The following ROBO1 variants were observed in gnomAD, a reference collection of about 807,000 sequenced individuals.
ROBO1 encodes the protein roundabout homolog 1.
ROBO1 carries 149 observed loss-of-function variants against 195.9 expected under a neutral mutation model. The observed-to-expected ratio is 0.76, with a 90% CI of 0.67 to 0.87. ROBO1 has a LOEUF of 0.87. Among genes scored for constraint, ROBO1 ranks in the 40% least tolerant of loss-of-function variants. ROBO1 has a pLI of 0.00. For missense variants in ROBO1, 1,933 were observed against 2,068.3 expected, an observed-to-expected ratio of 0.93 and a Z score of 1.27; for synonymous variants, 816 against 733.2, an observed-to-expected ratio of 1.11 and a Z score of -1.82.
intron 29 of ROBO1, 34 bp from the exon 30 acceptor site, chr3:78,600,343 A>C: frequency 7.7e-7 from 1 of 1,304,922 alleles, no homozygotes; most frequent in South Asian, 1.2e-5. Flanking sequence ...GCAGGTGAGT[A>C]CCATCATACA....
intron 2 of ROBO1, among the ~76,000 whole-genome samples, chr3:79,183,921 A>G (rs962169212): frequency 6.6e-6 from 1 of 152,264 alleles, no homozygotes; most frequent in African/African-American, 2.4e-5. Context: ...GAAGTTGTCA[A>G]TAAATACATG....
At chr3:78,865,885 T>C (rs1041854936) in intron 4 of ROBO1, among the ~76,000 whole-genome samples, 3 of 152,216 alleles carry the variant, frequency 2.0e-5, no homozygotes, top group South Asian at 4.1e-4. Flanking sequence ...GACTCCTTAG[T>C]TGACAAACCA....
intron 2 of ROBO1, among the ~76,000 whole-genome samples, chr3:79,436,349 A>T (rs1245239872): frequency 6.7e-6 from 1 of 149,970 alleles, no homozygotes; most frequent in African/African-American, 2.5e-5. Context: ...TTTGATTTGT[A>T]TTTTTTTTTT....
At chr3:79,139,605 C>A (rs1406936631) in intron 2 of ROBO1, among the ~76,000 whole-genome samples, 5 of 152,080 alleles carry the variant, frequency 3.3e-5, no homozygotes, top group Admixed American at 3.3e-4. Context: ...TATTCAAAAT[C>A]CTCAAATCAA....
chr3:78,684,344 T>A (rs1382089637), intron 10 of ROBO1, among the ~76,000 whole-genome samples: 1 of 152,262 alleles, frequency 6.6e-6, no homozygotes, highest in South Asian at 2.1e-4. Context: ...GAATCAATGA[T>A]GATAAAAGTC....
At chr3:79,507,165 G>C (rs965960053) in intron 2 of ROBO1, among the ~76,000 whole-genome samples, 17 of 152,194 alleles carry the variant, frequency 1.1e-4, no homozygotes, top group Non-Finnish European at 2.5e-4. Context: ...AAGCAGGAGA[G>C]TGAGGAGCAT....
chr3:79,538,776 A>C (rs895387732), intron 2 of ROBO1, among the ~76,000 whole-genome samples: 1 of 152,172 alleles, frequency 6.6e-6, no homozygotes, highest in African/African-American at 2.4e-5. Context: ...AAAATCTTGC[A>C]TCTCTTAAAT....
In ROBO1 at chr3:78,720,485, C is replaced by A. The variant is rs553494749; in HGVS notation, c.658-2602G>T. Reference sequence around the variant, plus strand: ...ATGTGGAGAAATAGGAACACTTTTACACTGTTGGTGGGACTGTAAACTAGT... The same window carrying A: ...ATGTGGAGAAATAGGAACACTTTTAAACTGTTGGTGGGACTGTAAACTAGT... On this transcript the variant is annotated intron_variant, in intron 5 of 30. Transcript: ENST00000464233. Among the ~76,000 whole-genome samples, 1,011 of 152,296 alleles carry A rather than the reference C, an allele frequency of 6.6e-3. 8 individuals carry two copies. The highest frequency in any genetic ancestry group is 0.01 in the Non-Finnish European group (681 of 68,018).
chr3:79,697,529 T>C (rs1576246314), intron 1 of ROBO1, among the ~76,000 whole-genome samples: 1 of 151,504 alleles, frequency 6.6e-6, no homozygotes, highest in Admixed American at 6.6e-5. Flanking sequence ...ATAGACATTA[T>C]GGCCTAAAAC....
chr3:78,804,379 A>G (rs1189713172), intron 4 of ROBO1, among the ~76,000 whole-genome samples: 3 of 152,068 alleles, frequency 2.0e-5, no homozygotes, highest in Non-Finnish European at 1.5e-5. Flanking sequence ...TCATTTCTCA[A>G]GCGTTTTAGG....
rs574167469 is a variant in ROBO1 at position 79,336,957 on chromosome 3, A to T, written c.89-211418T>A. Among the ~76,000 whole-genome samples, 7 of 152,324 alleles carry T rather than the reference A, an allele frequency of 4.6e-5. No individual in the cohort carries two copies. In the South Asian group the frequency reaches 1.4e-3, roughly 32 times the overall value. Reference sequence around the variant, plus strand: ...TATGTTTAGTTTAATGTTTAGTTAAAGTTTAATGACTGCCCCATTAGATCT... The same window carrying T: ...TATGTTTAGTTTAATGTTTAGTTAATGTTTAATGACTGCCCCATTAGATCT... On this transcript the variant is annotated intron_variant, in intron 2 of 30. Coordinates refer to ENST00000464233, the MANE Select transcript of ROBO1 (RefSeq NM_002941.4).
At chr3:79,446,220 A>T (rs1486573359) in intron 2 of ROBO1, among the ~76,000 whole-genome samples, 1 of 152,224 alleles carries the variant, frequency 6.6e-6, no homozygotes, top group Non-Finnish European at 1.5e-5. Flanking sequence ...TTTAGTCAAA[A>T]TAAGTGGCAA....
intron 3 of ROBO1, among the ~76,000 whole-genome samples, chr3:79,123,821 C>T (rs952419557): frequency 6.6e-6 from 1 of 151,746 alleles, no homozygotes; most frequent in African/African-American, 2.4e-5. Flanking sequence ...AATCTGACAC[C>T]TGATTAACCT....
At chr3:78,948,695 A>G (rs2107756442) in intron 3 of ROBO1, among the ~76,000 whole-genome samples, 1 of 152,320 alleles carries the variant, frequency 6.6e-6, no homozygotes, top group East Asian at 1.9e-4. Flanking sequence ...AAAAAAGGGT[A>G]TTCAATTAGG....
At chr3:79,617,639 T>C (rs1044835928) in intron 1 of ROBO1, among the ~76,000 whole-genome samples, 1 of 151,860 alleles carries the variant, frequency 6.6e-6, no homozygotes, top group Non-Finnish European at 1.5e-5. Flanking sequence ...GAGTAAGAAC[T>C]CTTACAGTAC....
At chr3:79,582,096 C>A (rs1352413076) in intron 2 of ROBO1, among the ~76,000 whole-genome samples, 1 of 151,598 alleles carries the variant, frequency 6.6e-6, no homozygotes, top group Non-Finnish European at 1.5e-5. Flanking sequence ...TTAAGTTAAT[C>A]AAGAAATGTA....
chr3:79,234,691 G>T (rs1342532484), intron 2 of ROBO1, among the ~76,000 whole-genome samples: 1 of 152,038 alleles, frequency 6.6e-6, no homozygotes, highest in Non-Finnish European at 1.5e-5. Flanking sequence ...GCAGCTGAAG[G>T]ACATTATCCT....
At chr3:79,627,219 G>A (rs767772325) in intron 1 of ROBO1, among the ~76,000 whole-genome samples, 11 of 151,980 alleles carry the variant, frequency 7.2e-5, no homozygotes, top group Non-Finnish European at 1.2e-4. Context: ...AAGAACAAAG[G>A]TGGAGGCATC....
intron 2 of ROBO1, among the ~76,000 whole-genome samples, chr3:79,268,610 T>G (rs1157757797): frequency 6.6e-6 from 1 of 151,664 alleles, no homozygotes; most frequent in Non-Finnish European, 1.5e-5. Context: ...CGCTCTTGTT[T>G]TGATTCACTG....
Sources: allele counts gnomAD v4.1 joint callset (sites outside exome capture counted in the v4.1 genomes callset), GRCh38; gene constraint gnomAD v4.1.1; transcripts MANE v1.5; gene names NCBI Gene and HGNC (gene_info 2026-07-23, HGNC 2026-07-21).